The following EPHA6 variants were observed in gnomAD, a reference collection of about 807,000 sequenced individuals.
EPHA6 encodes ephrin type-A receptor 6.
In EPHA6, 50 loss-of-function variants were observed where a neutral mutation model predicts 112.0. That is an observed-to-expected ratio of 0.45 (90% CI 0.36 to 0.56). The LOEUF (loss-of-function observed/expected upper bound fraction) is 0.56. Among genes scored for constraint, EPHA6 ranks in the 20% least tolerant of loss-of-function variants. The pLI is 0.00. For synonymous variants in EPHA6, 529 were observed against 490.7 expected (o/e 1.08, Z -1.03); for missense variants, 1,280 against 1,417.4 (o/e 0.90, Z 1.56).
At chr3:97,590,670 ATTAC>A (rs2093534996) in intron 11 of EPHA6, among the ~76,000 whole-genome samples, 1 of 152,074 alleles carries the variant, frequency 6.6e-6, no homozygotes, top group South Asian at 2.1e-4. Flanking sequence ...TGAGTTTCCT[ATTAC>A]TTGGCTTCAA....
At chr3:97,608,196 A>C (rs1014171908) in intron 12 of EPHA6, among the ~76,000 whole-genome samples, 9 of 151,304 alleles carry the variant, frequency 5.9e-5, no homozygotes, top group African/African-American at 2.2e-4. Context: ...AATTCACAGG[A>C]AACCAGGGAA....
intron 6 of EPHA6, among the ~76,000 whole-genome samples, chr3:97,428,788 G>A (rs2089318949): frequency 6.6e-6 from 1 of 152,114 alleles, no homozygotes; most frequent in Non-Finnish European, 1.5e-5. Flanking sequence ...CCGGGTACTA[G>A]AACCAGACCT....
chr3:96,904,994 C>T (rs570975263), intron 2 of EPHA6, among the ~76,000 whole-genome samples: 30 of 152,106 alleles, frequency 2.0e-4, no homozygotes, highest in African/African-American at 5.8e-4. Flanking sequence ...TTCCTGAAAC[C>T]GTAAATCCAA....
intron 10 of EPHA6, among the ~76,000 whole-genome samples, chr3:97,525,048 G>T (rs781169047): frequency 7.2e-5 from 11 of 152,068 alleles, no homozygotes; most frequent in South Asian, 2.1e-4. Context: ...TCCCTCCCAA[G>T]ATTTGGGATT....
chr3:97,760,237 G>A lies in EPHA6; in HGVS notation c.*11536G>A, dbSNP rs559862077. On this transcript the variant is annotated 3_prime_UTR_variant, in exon 18 of 18. Transcript: ENST00000389672. ...GAAAACAATGCCTTCTGTCATTTAC[G>A]GAAAACACATGGGCAATATGGTTGG... is the stretch of plus-strand genomic sequence containing the variant. The A allele has an allele frequency of 1.2e-4, 22 of 177,578 alleles. No homozygotes were observed. Among genetic ancestry groups the A allele is most frequent in the Middle Eastern group, 2.2e-3 (1 of 448 alleles). The allele number at this position is 177,578 out of a possible 1,614,324, so 11.0% of individuals were successfully genotyped here.
At chr3:97,294,505 T>G (rs1484573544) in intron 5 of EPHA6, among the ~76,000 whole-genome samples, 1 of 152,244 alleles carries the variant, frequency 6.6e-6, no homozygotes, top group African/African-American at 2.4e-5. Context: ...GAAAATTTAA[T>G]CTGTTTACAT....
intron 1 of EPHA6, among the ~76,000 whole-genome samples, chr3:96,853,706 T>C (rs1377272588): frequency 6.6e-6 from 1 of 152,050 alleles, no homozygotes; most frequent in African/African-American, 2.4e-5. Flanking sequence ...TGAATCATTA[T>C]AATTTCCTTT....
chr3:97,433,779 A>C (rs111533619), intron 6 of EPHA6, among the ~76,000 whole-genome samples: 1 of 145,772 alleles, frequency 6.9e-6, no homozygotes, highest in Non-Finnish European at 1.5e-5. Flanking sequence ...GCGAATCCAG[A>C]AGAAGAGCAC....
rs1577387370 is a variant in EPHA6, at chr3:97,432,801, A to C, written c.1732-15767A>C. 2.0e-5 allele frequency among the ~76,000 whole-genome samples: 3 copies of C among 152,066 alleles called. No individual in the cohort carries two copies. The South Asian group carries it at 6.2e-4, about 32-fold the overall frequency. On this transcript the variant is annotated intron_variant, in intron 6 of 17. Transcript: ENST00000389672. ...CGAATGGGTAAGAGCCCCTTATAAAACCACCATATGTCGTGAGAACTCACT... is the reference window on the plus strand; with the variant it reads ...CGAATGGGTAAGAGCCCCTTATAAACCCACCATATGTCGTGAGAACTCACT...
intron 3 of EPHA6, among the ~76,000 whole-genome samples, chr3:97,021,386 T>C (rs2044454154): frequency 6.6e-6 from 1 of 152,198 alleles, no homozygotes; most frequent in African/African-American, 2.4e-5. Context: ...ACATTGGCCT[T>C]ACTTCCTGTG....
At chr3:96,989,540 TA>T (rs2043141816) in intron 3 of EPHA6, among the ~76,000 whole-genome samples, 1 of 152,192 alleles carries the variant, frequency 6.6e-6, no homozygotes, top group African/African-American at 2.4e-5. Context: ...GTGCATGTAT[TA>T]GTTTGTTCTC....
intron 3 of EPHA6, among the ~76,000 whole-genome samples, chr3:97,129,529 AC>A (rs1391575329): frequency 1.3e-5 from 2 of 151,536 alleles, no homozygotes; most frequent in Non-Finnish European, 2.9e-5. Flanking sequence ...AAAAAAAAAA[AC>A]AACAAAAAAA....
At chr3:97,648,424 G>T in intron 14 of EPHA6, 2 of 1,471,964 alleles carry the variant, frequency 1.4e-6, no homozygotes, top group Non-Finnish European at 1.8e-6. Context: ...CAGCATGAGG[G>T]GAAGGTATTT....
At chr3:97,105,130 G>C (rs1029906345) in intron 3 of EPHA6, among the ~76,000 whole-genome samples, 14 of 149,586 alleles carry the variant, frequency 9.4e-5, no homozygotes, top group African/African-American at 3.5e-4. Flanking sequence ...TTGTGTCTCA[G>C]TCTACAGTTC....
intron 5 of EPHA6, among the ~76,000 whole-genome samples, chr3:97,337,025 A>G (rs2083088828): frequency 6.6e-6 from 1 of 152,042 alleles, no homozygotes; most frequent in South Asian, 2.1e-4. Context: ...TCACCATTAT[A>G]CAATGTTCTC....
intron 3 of EPHA6, among the ~76,000 whole-genome samples, chr3:97,080,747 G>C (rs950565736): frequency 1.3e-5 from 2 of 151,896 alleles, no homozygotes; most frequent in African/African-American, 4.8e-5. Flanking sequence ...TTTTTTGCTT[G>C]TTTGAATTTC....
chr3:97,203,195 CT>C (rs1447988752), intron 3 of EPHA6, among the ~76,000 whole-genome samples: 1 of 152,076 alleles, frequency 6.6e-6, no homozygotes, highest in African/African-American at 2.4e-5. Context: ...CAAGATCACT[CT>C]GATCATAGTG....
At chr3:96,881,472 G>A (rs2037311317) in intron 2 of EPHA6, among the ~76,000 whole-genome samples, 2 of 152,074 alleles carry the variant, frequency 1.3e-5, no homozygotes, top group Non-Finnish European at 2.9e-5. Flanking sequence ...GAACCGTATG[G>A]GGGAAACTGA....
chr3:96,904,752 A>T (rs2038834895), intron 2 of EPHA6, among the ~76,000 whole-genome samples: 1 of 152,172 alleles, frequency 6.6e-6, no homozygotes. Context: ...TGTACAGCAG[A>T]TATGTATAGA....
Sources: allele counts gnomAD v4.1 joint callset (sites outside exome capture counted in the v4.1 genomes callset), GRCh38; gene constraint gnomAD v4.1.1; transcripts MANE v1.5; gene names NCBI Gene and HGNC (gene_info 2026-07-23, HGNC 2026-07-21).